Variants in CARMIL1 observed in about 807,000 individuals in gnomAD.
CARMIL1 encodes F-actin-uncapping protein LRRC16A.
In CARMIL1, 90 loss-of-function variants were observed where a neutral mutation model predicts 177.1. That is an observed-to-expected ratio of 0.51 (90% CI 0.43 to 0.61). The LOEUF is 0.61. Ranked by LOEUF, CARMIL1 falls within the 20% of genes least tolerant of loss-of-function variation. The pLI is 0.00. For synonymous variants in CARMIL1, 577 were observed against 606.2 expected, an observed-to-expected ratio of 0.95 and a Z score of 0.71; for missense variants, 1,380 against 1,667.0, an observed-to-expected ratio of 0.83 and a Z score of 3.00.
chr6:25,470,735 C>T (rs1801023901), intron 9 of CARMIL1, among the ~76,000 whole-genome samples: 1 of 152,116 alleles, frequency 6.6e-6, no homozygotes, highest in Non-Finnish European at 1.5e-5. Flanking sequence ...TTAGCTGTGT[C>T]TTTACTAAGT....
At chr6:25,573,428 A>T (rs1471929457) in intron 29 of CARMIL1, among the ~76,000 whole-genome samples, 1 of 152,030 alleles carries the variant, frequency 6.6e-6, no homozygotes, top group Admixed American at 6.5e-5. Flanking sequence ...ACTCATTTTT[A>T]AAAGTAAATA....
At chr6:25,307,365 C>CTGTG (rs974215047) in intron 2 of CARMIL1, among the ~76,000 whole-genome samples, 3 of 152,106 alleles carry the variant, frequency 2.0e-5, no homozygotes, top group African/African-American at 7.2e-5. Flanking sequence ...GTTTGGATAC[C>CTGTG]TGTGTGTGTT....
intron 26 of CARMIL1, among the ~76,000 whole-genome samples, chr6:25,544,623 A>G (rs1809255999): frequency 6.7e-6 from 1 of 149,968 alleles, no homozygotes; most frequent in Admixed American, 6.6e-5. Context: ...ACACACACAC[A>G]CACACACACA....
chr6:25,382,839 C>A (rs2223439), intron 2 of CARMIL1, among the ~76,000 whole-genome samples: 7,579 of 152,202 alleles, frequency 0.05, 386 homozygotes, highest in East Asian at 0.27. Flanking sequence ...CCCACTCGAC[C>A]CAGGAAGTTC....
chr6:25,586,135 G>T (rs1813642344), intron 31 of CARMIL1, among the ~76,000 whole-genome samples: 1 of 149,710 alleles, frequency 6.7e-6, no homozygotes, highest in African/African-American at 2.5e-5. Context: ...GGCCGGGCGG[G>T]GGGTTGCCCC....
At chr6:25,375,880 C>G (rs942731443) in intron 2 of CARMIL1, among the ~76,000 whole-genome samples, 4 of 151,988 alleles carry the variant, frequency 2.6e-5, no homozygotes, top group African/African-American at 9.7e-5. Context: ...ATTTTTTGTT[C>G]ATACTGTGAA....
intron 2 of CARMIL1, chr6:25,383,454 A>C (rs1167128015): frequency 6.6e-6 from 1 of 152,226 alleles, no homozygotes; most frequent in Non-Finnish European, 1.5e-5. Context: ...GAAATACTTT[A>C]TGCCAGATTG....
At chr6:25,505,378 C>T (rs1468050778) in intron 17 of CARMIL1, among the ~76,000 whole-genome samples, 1 of 152,150 alleles carries the variant, frequency 6.6e-6, no homozygotes, top group Admixed American at 6.5e-5. Flanking sequence ...TTTTCTATGG[C>T]AGTAGTGATA....
At chr6:25,586,440 G>A (rs1485666007) in intron 31 of CARMIL1, among the ~76,000 whole-genome samples, 1 of 147,982 alleles carries the variant, frequency 6.8e-6, no homozygotes, top group Admixed American at 6.7e-5. Context: ...ACAGGATGGC[G>A]GCCGGGAAGA....
intron 2 of CARMIL1, among the ~76,000 whole-genome samples, chr6:25,381,832 G>A (rs1791578675): frequency 1.3e-5 from 2 of 152,074 alleles, no homozygotes; most frequent in Admixed American, 1.3e-4. Context: ...TTGGTGATTA[G>A]TTCAATCTCC....
At chr6:25,589,868 C>G (rs552717501) in intron 31 of CARMIL1, among the ~76,000 whole-genome samples, 1 of 152,306 alleles carries the variant, frequency 6.6e-6, no homozygotes, top group South Asian at 2.1e-4. Flanking sequence ...GCTATATCAT[C>G]CAGGTGACTG....
chr6:25,533,247 A>G (rs1807947571), intron 24 of CARMIL1, among the ~76,000 whole-genome samples: 1 of 152,126 alleles, frequency 6.6e-6, no homozygotes, highest in South Asian at 2.1e-4. Context: ...CTTTGTCACA[A>G]TGTGCAGGGG....
chr6:25,402,370 A>G (rs1793965087), intron 2 of CARMIL1, among the ~76,000 whole-genome samples: 1 of 152,232 alleles, frequency 6.6e-6, no homozygotes, highest in African/African-American at 2.4e-5. Flanking sequence ...TTGGAATTGC[A>G]TGCAAAAACC....
At chr6:25,386,656 A>T (rs1253876764) in intron 2 of CARMIL1, among the ~76,000 whole-genome samples, 1 of 152,110 alleles carries the variant, frequency 6.6e-6, no homozygotes, top group Non-Finnish European at 1.5e-5. Flanking sequence ...AACTGTACCC[A>T]CTTCATAGGG....
intron 2 of CARMIL1, among the ~76,000 whole-genome samples, chr6:25,333,510 G>T (rs763838342): frequency 6.6e-6 from 1 of 152,228 alleles, no homozygotes; most frequent in Non-Finnish European, 1.5e-5. Context: ...AGGCTCCTGT[G>T]AGCCAAGATT....
chr6:25,310,254 A>T (rs912130706), intron 2 of CARMIL1, among the ~76,000 whole-genome samples: 3 of 152,210 alleles, frequency 2.0e-5, no homozygotes, highest in Non-Finnish European at 4.4e-5. Context: ...GTGTAGAAGG[A>T]TCATATACCA....
At position 25,294,355 on chromosome 6, in the gene CARMIL1, G is replaced by A. The variant is rs191417385; in HGVS notation, c.138+9446G>A. 2.6e-5 allele frequency among the ~76,000 whole-genome samples: 4 copies of A among 152,246 alleles called. No individual in the cohort carries two copies. The East Asian group carries it at 7.7e-4, about 29-fold the overall frequency. On this transcript the variant is annotated intron_variant, in intron 2 of 36. Transcript: ENST00000329474. ...AGACAGATTGACTCAAACAGACTCT[G>A]GGGAAATTTATTGAGACCTTGCCCT...
chr6:25,553,214 C>T lies in CARMIL1; in HGVS notation c.2505-795C>T, dbSNP rs779060382. 6.6e-5 allele frequency among the ~76,000 whole-genome samples: 10 copies of T among 152,096 alleles called. No individual in the cohort carries two copies. The East Asian group carries it at 1.2e-3, about 18-fold the overall frequency. ...GGAATATAGGTATGTATTTCTCTCA[C>T]GTATTTACCTTTAAATGTATTGTGC... On this transcript the variant is annotated intron_variant, in intron 27 of 36. Coordinates refer to ENST00000329474, the MANE Select transcript of CARMIL1 (RefSeq NM_017640.6).
intron 2 of CARMIL1, among the ~76,000 whole-genome samples, chr6:25,299,807 A>G (rs909856548): frequency 2.0e-5 from 3 of 151,750 alleles, no homozygotes; most frequent in African/African-American, 7.3e-5. Context: ...GCGAAAACCC[A>G]TCTCTACTAA....
Sources: gnomAD v4.1 joint callset for allele counts (sites outside exome capture counted in the v4.1 genomes callset) on GRCh38, gnomAD v4.1.1 for gene constraint, MANE v1.5 for transcripts, NCBI Gene and HGNC (gene_info 2026-07-23, HGNC 2026-07-21) for gene names.